The following HLTF variants were observed in gnomAD, a reference collection of about 807,000 sequenced individuals.
The protein encoded by HLTF is DNA-dependent ATPase/E3 ubiquitin-protein ligase HLTF.
A neutral mutation model predicts 129.4 loss-of-function variants in HLTF; 127 were observed. The ratio of observed to expected loss-of-function variants is 0.98; its 90% CI spans 0.85 to 1.14. The LOEUF is 1.14. Among genes scored for constraint, HLTF ranks in the 50% most tolerant of loss-of-function variants. The probability of loss-of-function intolerance (pLI) is 0.00; values close to 1 mark genes in which losing one functional copy is unlikely to be tolerated. For missense variants in HLTF, 1,139 were observed against 1,187.1 expected (o/e 0.96, Z 0.60); for synonymous variants, 332 against 388.8 (o/e 0.85, Z 1.72).
rs1714998224 is a variant in HLTF, at chr3:149,031,155, AAG to A, written c.*1063_*1064del. 1 of 152,408 alleles carries A rather than the reference AAG, an allele frequency of 6.6e-6. No homozygotes were observed. Among genetic ancestry groups the A allele is most frequent in the South Asian group, 2.1e-4 (1 of 4,834 alleles). The allele number at this position is 152,408 out of a possible 1,614,324, so 9.4% of individuals were successfully genotyped here. A position where few individuals can be genotyped will look rare whatever the true frequency, so the allele number is the denominator to read the frequency against. On this transcript the variant is annotated 3_prime_UTR_variant, in exon 25 of 25. Transcript: ENST00000310053. ...CAAATAAGTTTGCTTATTAACAAAA[AAG>A]TAAAAAAAAAAGAAAAGAAAAAAGA...
At chr3:149,041,925 T>G in intron 19 of HLTF, 1 of 578,634 alleles carries the variant, frequency 1.7e-6, no homozygotes. Context: ...AAAAGGCAGA[T>G]CCAATATGAA....
At chr3:149,066,363 T>A (rs967039632) in intron 8 of HLTF, among the ~76,000 whole-genome samples, 5 of 152,142 alleles carry the variant, frequency 3.3e-5, no homozygotes, top group African/African-American at 9.7e-5. Flanking sequence ...ATTCTTTATA[T>A]TAAAATATTT....
chr3:149,042,073 T>G, intron 19 of HLTF, 93 bp downstream of exon 19: 1 of 1,110,986 alleles, frequency 9.0e-7, no homozygotes, highest in Non-Finnish European at 1.3e-6. Flanking sequence ...CAGAACAAAA[T>G]AAACTAAATG....
Position 149,059,783 on chromosome 3 carries a change from T to A in HLTF, c.1310A>T (p.Asp437Val), listed in dbSNP as rs765642061. 1 of 1,600,798 alleles carries A rather than the reference T, an allele frequency of 6.2e-7. No homozygotes were observed. The highest frequency in any genetic ancestry group is 1.8e-5 in the Admixed American group (1 of 57,048). Residue 437 changes from aspartate to valine, a missense_variant, in exon 13 of 25, where the codon GAT becomes GTT. Asp to Val is a radical substitution (Grantham distance 152). Transcript: ENST00000310053. ...AKAGSSKVIEDVAFACALTSS... is the reference protein window; with the variant it reads ...AKAGSSKVIEVVAFACALTSS... ...AGTTAATGCACATGCAAATGCCACA[T>A]CTTCTATAACCTTAGAAGATCCTGC...
intron 2 of HLTF, among the ~76,000 whole-genome samples, chr3:149,083,018 G>A (rs1178312665): frequency 1.3e-5 from 2 of 152,132 alleles, no homozygotes; most frequent in Admixed American, 6.5e-5. Flanking sequence ...TTGGAAGGCC[G>A]AGGTGAGTGG....
chr3:149,039,670 C>A lies in HLTF; in HGVS notation c.2526G>T (p.Leu842Phe). ...TGGGATTCTTCTTTCTTAAGTCAGT[C>A]AATGCGTGCATTAGCGCATTAATCT... ...SSKINALMHA[L>F]TDLRKKNPNI... Residue 842 changes from leucine to phenylalanine, a missense_variant, in exon 22 of 25, where the codon TTG (leucine) becomes TTT (phenylalanine). Coordinates refer to ENST00000310053, the MANE Select transcript of HLTF (RefSeq NM_003071.4). 6.2e-7 allele frequency: 1 copy of A among 1,603,258 alleles called. No homozygotes were observed. Among genetic ancestry groups the A allele is most frequent in the Non-Finnish European group, 8.5e-7 (1 of 1,174,296 alleles).
intron 8 of HLTF, among the ~76,000 whole-genome samples, chr3:149,067,038 A>G (rs928266680): frequency 3.9e-5 from 6 of 152,090 alleles, no homozygotes; most frequent in African/African-American, 1.4e-4. Flanking sequence ...TCTTTTTGCT[A>G]TTTCCTTCTA....
At chr3:149,055,890 G>A (rs1470908670) in intron 13 of HLTF, among the ~76,000 whole-genome samples, 2 of 152,158 alleles carry the variant, frequency 1.3e-5, no homozygotes, top group Non-Finnish European at 2.9e-5. Flanking sequence ...TTTCCGTATT[G>A]GGTGTGCAAG....
chr3:149,046,903 G>T (rs1415532092), intron 17 of HLTF, among the ~76,000 whole-genome samples: 1 of 152,126 alleles, frequency 6.6e-6, no homozygotes, highest in African/African-American at 2.4e-5. Flanking sequence ...AGTTTAAATA[G>T]TTGGTTTTGA....
rs528724528 is a variant in HLTF at position 149,082,350 on chromosome 3, T to C, written c.228+2332A>G. Among the ~76,000 whole-genome samples the C allele has an allele frequency of 1.4e-4, 22 of 152,228 alleles. No homozygotes were observed. In the South Asian group the frequency reaches 4.1e-3, roughly 29 times the overall value. On this transcript the variant is annotated intron_variant, in intron 2 of 24. Coordinates refer to ENST00000310053, the MANE Select transcript of HLTF (RefSeq NM_003071.4). ...GGCAGGCGCCTGTAGTCCCAGCTAC[T>C]TGGGAGGCTGAGGCAGGAGAATGGC...
chr3:149,058,440 T>C (rs1315233264), intron 13 of HLTF, among the ~76,000 whole-genome samples: 1 of 152,232 alleles, frequency 6.6e-6, no homozygotes, highest in Non-Finnish European at 1.5e-5. Flanking sequence ...TTGGGTTTTC[T>C]TTCTATGGAC....
At position 149,075,869 on chromosome 3, in the gene HLTF, A is replaced by C. The variant is rs199971777; in HGVS notation, c.395+12T>G. On this transcript the variant is annotated intron_variant, in intron 3 of 24. Transcript: ENST00000310053. ...TCACAATTATTAAAACTAAATTCTGAAAGTACATTACCCTTCAATTTGTGC... is the reference window on the plus strand; with the variant it reads ...TCACAATTATTAAAACTAAATTCTGCAAGTACATTACCCTTCAATTTGTGC... The C allele has an allele frequency of 3.2e-6, 5 of 1,567,776 alleles. No individual in the cohort carries two copies. The East Asian group carries it at 1.1e-4, about 36-fold the overall frequency.
intron 9 of HLTF, among the ~76,000 whole-genome samples, 167 bp downstream of exon 9, chr3:149,064,624 G>A (rs1200037699): frequency 6.6e-6 from 1 of 151,794 alleles, no homozygotes; most frequent in African/African-American, 2.4e-5. Context: ...TTTCCTATCA[G>A]TACTCAGGGA....
At chr3:149,077,642 G>A (rs1282927085) in intron 2 of HLTF, among the ~76,000 whole-genome samples, 1 of 151,282 alleles carries the variant, frequency 6.6e-6, no homozygotes, top group Admixed American at 6.6e-5. Context: ...GTGTATTTCT[G>A]GATATCTAGA....
chr3:149,048,773 C>T (rs903968574), intron 16 of HLTF, 90 bp downstream of exon 16: 1 of 926,904 alleles, frequency 1.1e-6, no homozygotes. Flanking sequence ...GAATTTACAC[C>T]CACTTTAAGT....
At chr3:149,076,757 T>C (rs1253533985) in intron 2 of HLTF, among the ~76,000 whole-genome samples, 1 of 152,126 alleles carries the variant, frequency 6.6e-6, no homozygotes, top group Admixed American at 6.6e-5. Flanking sequence ...CAATAAAGAA[T>C]GGTAGAATGA....
At chr3:149,050,141 T>C (rs1206870917) in intron 15 of HLTF, 91 bp downstream of exon 15, 4 of 720,728 alleles carry the variant, frequency 5.5e-6, no homozygotes, top group East Asian at 6.0e-5. Flanking sequence ...AAAAAAAGTA[T>C]AAAGCCTGAA....
chr3:149,055,190 C>A (rs926355008), intron 14 of HLTF, 113 bp downstream of exon 14: 1 of 664,122 alleles, frequency 1.5e-6, no homozygotes, highest in Non-Finnish European at 2.5e-6. Context: ...AACTTAGATA[C>A]GAACTGATGA....
intron 23 of HLTF, among the ~76,000 whole-genome samples, chr3:149,037,632 C>T (rs755061114): frequency 2.0e-5 from 3 of 152,114 alleles, no homozygotes; most frequent in Non-Finnish European, 2.9e-5. Flanking sequence ...TATGCATCAA[C>T]AAGGTAGCCT....
Sources: gnomAD v4.1 joint callset for allele counts (sites outside exome capture counted in the v4.1 genomes callset) on GRCh38, gnomAD v4.1.1 for gene constraint, MANE v1.5 for transcripts, NCBI Gene and HGNC (gene_info 2026-07-23, HGNC 2026-07-21) for gene names.